The following KCNIP4 variants were observed in gnomAD, a reference collection of about 807,000 sequenced individuals.
KCNIP4 encodes potassium voltage-gated channel interacting protein 4.
In KCNIP4, 12 loss-of-function variants were observed where a neutral mutation model predicts 34.0. The observed-to-expected ratio is 0.35, with a 90% CI of 0.23 to 0.57. The LOEUF is 0.57. Ranked by LOEUF, KCNIP4 falls within the 20% of genes least tolerant of loss-of-function variation. The pLI is 0.83. For synonymous variants in KCNIP4, 124 were observed against 102.2 expected (o/e 1.21, Z -1.29); for missense variants, 238 against 311.7 (o/e 0.76, Z 1.78).
chr4:21,119,107 A>G (rs923197590), intron 1 of KCNIP4, among the ~76,000 whole-genome samples: 4 of 152,124 alleles, frequency 2.6e-5, no homozygotes, highest in Non-Finnish European at 5.9e-5. Context: ...TTGAATACTC[A>G]GTGGTGCTAA....
intron 3 of KCNIP4, among the ~76,000 whole-genome samples, chr4:20,763,868 A>G (rs1755163071): frequency 6.6e-6 from 1 of 152,150 alleles, no homozygotes; most frequent in African/African-American, 2.4e-5. Flanking sequence ...ATGTTGTAAC[A>G]TGAAGATTAT....
At chr4:21,365,663 C>T (rs1338185319) in intron 1 of KCNIP4, among the ~76,000 whole-genome samples, 1 of 151,728 alleles carries the variant, frequency 6.6e-6, no homozygotes, top group Non-Finnish European at 1.5e-5. Flanking sequence ...ATTTTGTTTT[C>T]TCACCCAATA....
intron 1 of KCNIP4, among the ~76,000 whole-genome samples, chr4:21,893,759 G>C (rs916971968): frequency 6.6e-6 from 1 of 152,080 alleles, no homozygotes; most frequent in African/African-American, 2.4e-5. Context: ...CCCAGTTGTG[G>C]AGATGCAGTT....
At chr4:21,683,717 A>C (rs1303362522) in intron 1 of KCNIP4, among the ~76,000 whole-genome samples, 2 of 152,092 alleles carry the variant, frequency 1.3e-5, no homozygotes, top group Non-Finnish European at 2.9e-5. Context: ...ATCAGATATC[A>C]GGATCTATAG....
At chr4:20,825,651 G>T (rs11729648) in intron 3 of KCNIP4, among the ~76,000 whole-genome samples, 9,255 of 152,280 alleles carry the variant, frequency 0.061, 433 homozygotes, top group South Asian at 0.22. Flanking sequence ...CAGATAATGG[G>T]ACACACAGCT....
intron 1 of KCNIP4, among the ~76,000 whole-genome samples, chr4:21,214,210 C>G (rs1757411129): frequency 6.6e-6 from 1 of 152,120 alleles, no homozygotes; most frequent in Non-Finnish European, 1.5e-5. Flanking sequence ...CTTCTTAGAT[C>G]TGAAACAATG....
chr4:20,913,364 T>A (rs896096873), intron 1 of KCNIP4, among the ~76,000 whole-genome samples: 10 of 152,160 alleles, frequency 6.6e-5, no homozygotes, highest in Non-Finnish European at 1.5e-4. Context: ...CTGATGAATG[T>A]TAGCCAGGAA....
intron 1 of KCNIP4, chr4:21,697,318 A>AT: frequency 1.2e-5 from 1 of 80,132 alleles, no homozygotes; most frequent in Non-Finnish European, 3.0e-5. Flanking sequence ...GCCTCTACTA[A>AT]AAAAAAAAAA....
At chr4:21,508,099 T>C (rs901126955) in intron 1 of KCNIP4, among the ~76,000 whole-genome samples, 1 of 152,198 alleles carries the variant, frequency 6.6e-6, no homozygotes, top group Non-Finnish European at 1.5e-5. Context: ...CCATAGCATC[T>C]GCCCTTGAGG....
At chr4:21,670,916 A>G (rs1749448788) in intron 1 of KCNIP4, among the ~76,000 whole-genome samples, 1 of 151,232 alleles carries the variant, frequency 6.6e-6, no homozygotes, top group Non-Finnish European at 1.5e-5. Flanking sequence ...TCGGCCTCCC[A>G]AAGTGCTGGG....
intron 1 of KCNIP4, among the ~76,000 whole-genome samples, chr4:21,009,557 C>A (rs1164978572): frequency 1.3e-5 from 2 of 152,080 alleles, no homozygotes; most frequent in Non-Finnish European, 2.9e-5. Context: ...TCATGATTTC[C>A]TTGATGGGAT....
intron 1 of KCNIP4, among the ~76,000 whole-genome samples, chr4:21,761,823 T>G (rs1315873659): frequency 6.6e-6 from 1 of 152,074 alleles, no homozygotes; most frequent in Non-Finnish European, 1.5e-5. Flanking sequence ...GCAAATGACC[T>G]AAATGTCTAA....
chr4:21,897,752 A>ATT (rs1727479412), intron 1 of KCNIP4, among the ~76,000 whole-genome samples: 1 of 152,196 alleles, frequency 6.6e-6, no homozygotes, highest in African/African-American at 2.4e-5. Flanking sequence ...CAGGAACTCC[A>ATT]AATTGAGCAA....
At chr4:21,247,446 TC>T (rs1020653152) in intron 1 of KCNIP4, among the ~76,000 whole-genome samples, 1 of 151,346 alleles carries the variant, frequency 6.6e-6, no homozygotes, top group Non-Finnish European at 1.5e-5. Flanking sequence ...GCAGGAAACT[TC>T]ATGAACTAAG....
chr4:21,234,870 A>T (rs1759235175), intron 1 of KCNIP4, among the ~76,000 whole-genome samples: 1 of 151,730 alleles, frequency 6.6e-6, no homozygotes, highest in Non-Finnish European at 1.5e-5. Flanking sequence ...CTGGATTCAA[A>T]CTCCAGACCT....
intron 1 of KCNIP4, among the ~76,000 whole-genome samples, chr4:21,065,088 C>G (rs553048845): frequency 5.3e-5 from 8 of 152,348 alleles, no homozygotes; most frequent in African/African-American, 1.7e-4. Context: ...CCCAGCCATT[C>G]TGGCAGCCCT....
chr4:21,226,469 T>C (rs1416756150), intron 1 of KCNIP4, among the ~76,000 whole-genome samples: 1 of 152,058 alleles, frequency 6.6e-6, no homozygotes, highest in African/African-American at 2.4e-5. Context: ...AAATTTGTAT[T>C]TGAGGAGTTC....
intron 1 of KCNIP4, among the ~76,000 whole-genome samples, chr4:21,180,352 G>A (rs1207525577): frequency 2.6e-5 from 4 of 151,992 alleles, no homozygotes; most frequent in Admixed American, 6.6e-5. Context: ...TAAGAAAAAA[G>A]ATTGATTTAT....
intron 1 of KCNIP4, among the ~76,000 whole-genome samples, chr4:21,680,001 T>A (rs1428374879): frequency 6.6e-6 from 1 of 152,218 alleles, no homozygotes; most frequent in Non-Finnish European, 1.5e-5. Flanking sequence ...CTAGTGTAAT[T>A]CTTAAATAAG....
Sources: allele counts gnomAD v4.1 joint callset (sites outside exome capture counted in the v4.1 genomes callset), GRCh38; gene constraint gnomAD v4.1.1; transcripts MANE v1.5; gene names NCBI Gene and HGNC (gene_info 2026-07-23, HGNC 2026-07-21).